The following TMEM117 variants were observed in gnomAD, a reference collection of about 807,000 sequenced individuals.
The protein encoded by TMEM117 is transmembrane protein 117.
A neutral mutation model predicts 52.4 loss-of-function variants in TMEM117; 27 were observed. The ratio of observed to expected loss-of-function variants is 0.51; its 90% confidence interval spans 0.38 to 0.71. The LOEUF (loss-of-function observed/expected upper bound fraction) is 0.71, where lower values mean the gene tolerates loss of function less well. Ranked by LOEUF, TMEM117 falls within the 30% of genes least tolerant of loss-of-function variation. TMEM117 has a pLI of 0.00. For synonymous variants in TMEM117, 215 were observed against 206.3 expected (o/e 1.04, Z -0.36); for missense variants, 556 against 630.5 (o/e 0.88, Z 1.26).
chr12:44,116,087 G>A lies in TMEM117; in HGVS notation c.411-27438G>A, dbSNP rs142467562. ...CTCAATCACTGAAAATATTCTTGCT[G>A]AAGTCAATAATCATCTACATGTTAA... On this transcript the variant is annotated intron_variant, in intron 3 of 7. Coordinates refer to ENST00000266534, the MANE Select transcript of TMEM117 (RefSeq NM_032256.3). Among the ~76,000 whole-genome samples, 241 of 152,274 alleles carry A rather than the reference G, an allele frequency of 1.6e-3. 2 individuals carry two copies. The East Asian group carries it at 0.037, about 23-fold the overall frequency.
intron 7 of TMEM117, among the ~76,000 whole-genome samples, chr12:44,378,698 G>T (rs1436639933): frequency 6.6e-6 from 1 of 152,182 alleles, no homozygotes; most frequent in Non-Finnish European, 1.5e-5. Flanking sequence ...AGGCTTTGGT[G>T]CAGTGTTTGC....
intron 3 of TMEM117, among the ~76,000 whole-genome samples, chr12:44,059,369 T>G (rs890944698): frequency 6.6e-6 from 1 of 152,144 alleles, no homozygotes; most frequent in African/African-American, 2.4e-5. Flanking sequence ...TGTGAAAAAT[T>G]ATATATCACT....
chr12:44,001,954 T>A (rs1946122963), intron 3 of TMEM117, among the ~76,000 whole-genome samples: 1 of 151,842 alleles, frequency 6.6e-6, no homozygotes, highest in African/African-American at 2.4e-5. Context: ...TCAGAATGGG[T>A]AGAGGAGGGG....
In TMEM117 at chr12:44,342,862, G is replaced by T. The variant is rs568561822; in HGVS notation, c.769-33733G>T. Among the ~76,000 whole-genome samples, 77 of 151,960 alleles carry T rather than the reference G, an allele frequency of 5.1e-4. 1 individual carries two copies. In the South Asian group the frequency reaches 0.011, roughly 21 times the overall value. ...ATAAGAATAAAAGGAAAAAGAGAATGGTTTGTTTTTGTTTTTGTTTCTGAG... is the reference window on the plus strand; with the variant it reads ...ATAAGAATAAAAGGAAAAAGAGAATTGTTTGTTTTTGTTTTTGTTTCTGAG... On this transcript the variant is annotated intron_variant, in intron 6 of 7. Transcript: ENST00000266534.
At chr12:44,203,029 A>C (rs552263631) in intron 4 of TMEM117, among the ~76,000 whole-genome samples, 1 of 152,154 alleles carries the variant, frequency 6.6e-6, no homozygotes, top group South Asian at 2.1e-4. Context: ...TTTTGACCTC[A>C]GGTGATCTGA....
intron 3 of TMEM117, among the ~76,000 whole-genome samples, chr12:43,947,843 T>A (rs1945158011): frequency 1.3e-5 from 2 of 152,170 alleles, no homozygotes; most frequent in Non-Finnish European, 2.9e-5. Context: ...AGTTCAGGAC[T>A]AGAATGAATG....
chr12:44,313,534 G>A (rs79937324), intron 6 of TMEM117, among the ~76,000 whole-genome samples: 2,192 of 152,282 alleles, frequency 0.014, 44 homozygotes, highest in Admixed American at 0.062. Flanking sequence ...TTTGAAGTCA[G>A]GTAGTGTGAT....
chr12:44,160,622 G>GCAA (rs140107918), intron 4 of TMEM117, among the ~76,000 whole-genome samples: 2,328 of 151,960 alleles, frequency 0.015, 70 homozygotes, highest in African/African-American at 0.053. Flanking sequence ...TCACAACATA[G>GCAA]CAAGACACTG....
At chr12:44,014,068 A>G (rs141986046) in intron 3 of TMEM117, among the ~76,000 whole-genome samples, 2 of 152,268 alleles carry the variant, frequency 1.3e-5, no homozygotes, top group East Asian at 3.9e-4. Flanking sequence ...AGAGAAGGAA[A>G]GACTTGTGTC....
chr12:44,003,378 C>T (rs1232037292), intron 3 of TMEM117, among the ~76,000 whole-genome samples: 10 of 152,196 alleles, frequency 6.6e-5, no homozygotes, highest in Admixed American at 1.3e-4. Context: ...CCTCAGCCAC[C>T]GCAAACAATG....
At chr12:44,063,637 C>T (rs75849577) in intron 3 of TMEM117, among the ~76,000 whole-genome samples, 2 of 137,724 alleles carry the variant, frequency 1.5e-5, no homozygotes, top group Non-Finnish European at 3.1e-5. Context: ...CCCACAACAG[C>T]CCCCGGTGTG....
At chr12:44,274,695 C>T (rs1333711595) in intron 5 of TMEM117, among the ~76,000 whole-genome samples, 1 of 152,022 alleles carries the variant, frequency 6.6e-6, no homozygotes, top group Non-Finnish European at 1.5e-5. Flanking sequence ...CAGGAACATA[C>T]ACGTTGGAAA....
In TMEM117 at chr12:43,880,137, A is replaced by G. The variant is rs556318326; in HGVS notation, c.277+35209A>G. On this transcript the variant is annotated intron_variant, in intron 2 of 7. Transcript: ENST00000266534. Reference sequence around the variant, plus strand: ...GCTTTAGTTTTCTCATTTATAAAATAAAGTAATAATGCCTGTCCTCAATTC... The same window carrying G: ...GCTTTAGTTTTCTCATTTATAAAATGAAGTAATAATGCCTGTCCTCAATTC... 5.3e-5 allele frequency among the ~76,000 whole-genome samples: 8 copies of G among 152,332 alleles called. No homozygotes were observed. In the East Asian group the frequency reaches 1.5e-3, roughly 29 times the overall value.
intron 2 of TMEM117, among the ~76,000 whole-genome samples, chr12:43,898,316 A>AT (rs1279141628): frequency 1.2e-4 from 18 of 151,160 alleles, no homozygotes; most frequent in African/African-American, 4.4e-4. Context: ...CCTTTTAGGT[A>AT]TTTTAGTGTC....
At chr12:44,145,478 T>C (rs1948630214) in intron 4 of TMEM117, among the ~76,000 whole-genome samples, 1 of 152,258 alleles carries the variant, frequency 6.6e-6, no homozygotes, top group African/African-American at 2.4e-5. Context: ...AGTTCCTTCC[T>C]GTGTTACATA....
intron 5 of TMEM117, among the ~76,000 whole-genome samples, chr12:44,279,583 G>A (rs972447705): frequency 7.5e-5 from 11 of 146,358 alleles, no homozygotes; most frequent in Admixed American, 4.2e-4. Context: ...GCATAATCTC[G>A]GCTCACTGCA....
intron 2 of TMEM117, among the ~76,000 whole-genome samples, chr12:43,909,624 AGAATC>A (rs1302461465): frequency 6.6e-6 from 1 of 151,972 alleles, no homozygotes; most frequent in Non-Finnish European, 1.5e-5. Context: ...GAAAAAAAGA[AGAATC>A]AAATAGATGC....
chr12:44,206,481 A>G (rs1949568817), intron 4 of TMEM117, among the ~76,000 whole-genome samples: 3 of 152,218 alleles, frequency 2.0e-5, no homozygotes, highest in Admixed American at 2.0e-4. Context: ...CCTAAAGGAT[A>G]TAAATTGTTG....
At chr12:43,941,620 T>G (rs1945046088) in intron 2 of TMEM117, among the ~76,000 whole-genome samples, 1 of 152,238 alleles carries the variant, frequency 6.6e-6, no homozygotes. Flanking sequence ...CGAGGGTTAC[T>G]TACAGAGTTA....
Sources: allele counts gnomAD v4.1 joint callset (sites outside exome capture counted in the v4.1 genomes callset), GRCh38; gene constraint gnomAD v4.1.1; transcripts MANE v1.5; gene names NCBI Gene and HGNC (gene_info 2026-07-23, HGNC 2026-07-21).